The following RARB variants were observed in gnomAD, a reference collection of about 807,000 sequenced individuals.
The protein encoded by RARB is HBV-activated protein.
In RARB, 17 loss-of-function variants were observed where a neutral mutation model predicts 51.9. The ratio of observed to expected loss-of-function variants is 0.33; its 90% CI spans 0.22 to 0.49. The LOEUF (loss-of-function observed/expected upper bound fraction) is 0.49. Among genes scored for constraint, RARB ranks in the 20% least tolerant of loss-of-function variants. RARB has a pLI of 0.99. For missense variants in RARB, 369 were observed against 550.8 expected, an observed-to-expected ratio of 0.67 and a Z score of 3.30; for synonymous variants, 215 against 195.4, an observed-to-expected ratio of 1.10 and a Z score of -0.84.
At chr3:24,846,764 A>T (rs1702490445) in intron 1 of RARB, among the ~76,000 whole-genome samples, 1 of 152,098 alleles carries the variant, frequency 6.6e-6, no homozygotes, top group Non-Finnish European at 1.5e-5. Flanking sequence ...CTTCACTGTC[A>T]GTGAGAGCAC....
chr3:24,970,332 A>G (rs11129173), intron 2 of RARB, among the ~76,000 whole-genome samples: 73,194 of 151,702 alleles, frequency 0.48, 18,071 homozygotes, highest in Admixed American at 0.6. Flanking sequence ...TGAAACCACC[A>G]CGAGTATTTC....
intron 5 of RARB, chr3:25,352,238 T>A (rs1265598888): frequency 5.9e-5 from 9 of 152,202 alleles, no homozygotes; most frequent in Admixed American, 5.2e-4. Flanking sequence ...TGAATCCCCA[T>A]CTTTTCTGAT....
intron 4 of RARB, among the ~76,000 whole-genome samples, chr3:25,154,455 C>A (rs1225185132): frequency 1.3e-5 from 2 of 152,212 alleles, no homozygotes; most frequent in Non-Finnish European, 2.9e-5. Context: ...ATGGCGGAGA[C>A]CAAAGTCTTG....
intron 5 of RARB, among the ~76,000 whole-genome samples, chr3:25,223,759 G>T (rs576623769): frequency 6.6e-6 from 1 of 152,174 alleles, no homozygotes; most frequent in Non-Finnish European, 1.5e-5. Flanking sequence ...TTATAGAAGT[G>T]CTTGTAAAGT....
In RARB at chr3:24,952,574, C is replaced by T. The variant is rs143590004; in HGVS notation, c.-380+93822C>T. ...TCCTTCAAGTCCTAGAAGGAAAAGA[C>T]CACATGGGCTTTACTCACTCTCAGT... On this transcript the variant is annotated intron_variant, in intron 2 of 11. Transcript: ENST00000383772. Among the ~76,000 whole-genome samples the T allele has an allele frequency of 3.2e-4, 49 of 152,252 alleles. 2 individuals are homozygous for T. In the East Asian group the frequency reaches 9.3e-3, roughly 29 times the overall value.
intron 4 of RARB, among the ~76,000 whole-genome samples, chr3:25,577,210 G>A (rs1387795190): frequency 1.3e-5 from 2 of 152,180 alleles, no homozygotes; most frequent in African/African-American, 2.4e-5. Flanking sequence ...CGGTTCGCCC[G>A]CGGGATCTTG....
At chr3:25,439,291 T>G (rs1279890105) in intron 1 of RARB, among the ~76,000 whole-genome samples, 1 of 150,494 alleles carries the variant, frequency 6.6e-6, no homozygotes, top group Middle Eastern at 3.4e-3. Context: ...ATCTATTGTG[T>G]GCAGAGGATC....
chr3:25,250,251 G>A (rs1291255953), intron 5 of RARB, among the ~76,000 whole-genome samples: 1 of 152,190 alleles, frequency 6.6e-6, no homozygotes, highest in Non-Finnish European at 1.5e-5. Flanking sequence ...CCCCAGGCAT[G>A]CTTGTGCATG....
intron 1 of RARB, among the ~76,000 whole-genome samples, chr3:25,442,166 C>A (rs1197857848): frequency 7.4e-6 from 1 of 135,156 alleles, no homozygotes; most frequent in East Asian, 2.0e-4. Flanking sequence ...GACGGAGTCT[C>A]ACTCTGTTGC....
chr3:25,035,323 T>A (rs930432274), intron 2 of RARB, among the ~76,000 whole-genome samples: 1 of 151,950 alleles, frequency 6.6e-6, no homozygotes, highest in Non-Finnish European at 1.5e-5. Context: ...GGTTTCGCCA[T>A]GTTGCCCAGG....
chr3:25,250,620 G>T (rs377712461), intron 5 of RARB, among the ~76,000 whole-genome samples: 2 of 152,150 alleles, frequency 1.3e-5, no homozygotes, highest in African/African-American at 2.4e-5. Context: ...GCACCTGGCT[G>T]TGGGCAAGGG....
At chr3:25,522,849 G>A (rs1698460612) in intron 3 of RARB, among the ~76,000 whole-genome samples, 2 of 152,138 alleles carry the variant, frequency 1.3e-5, no homozygotes, top group South Asian at 4.1e-4. Flanking sequence ...TTGGCTTAAG[G>A]TTCTGTCCGC....
chr3:24,949,682 T>C (rs1478909993), intron 2 of RARB, among the ~76,000 whole-genome samples: 2 of 152,240 alleles, frequency 1.3e-5, no homozygotes, highest in East Asian at 3.8e-4. Flanking sequence ...CAATTCTATC[T>C]AAAATGCATT....
chr3:24,955,768 C>T (rs1004192907), intron 2 of RARB, among the ~76,000 whole-genome samples: 1 of 151,874 alleles, frequency 6.6e-6, no homozygotes, highest in Non-Finnish European at 1.5e-5. Flanking sequence ...ATAAATGTAC[C>T]TGGAGGTGGG....
At chr3:25,242,511 G>A (rs997589331) in intron 5 of RARB, among the ~76,000 whole-genome samples, 5 of 152,228 alleles carry the variant, frequency 3.3e-5, no homozygotes, top group Admixed American at 3.3e-4. Context: ...TCCAGTCTCA[G>A]TTTTCTGCAT....
At chr3:25,240,404 C>G (rs989594453) in intron 5 of RARB, among the ~76,000 whole-genome samples, 3 of 151,958 alleles carry the variant, frequency 2.0e-5, no homozygotes, top group Non-Finnish European at 4.4e-5. Flanking sequence ...TTGTCTTGTT[C>G]TAGTTCTTTT....
At chr3:24,980,003 G>T (rs1359928040) in intron 2 of RARB, among the ~76,000 whole-genome samples, 26 of 152,068 alleles carry the variant, frequency 1.7e-4, no homozygotes, top group Admixed American at 1.6e-3. Flanking sequence ...GTCTGTAAAG[G>T]ATTTTATTTC....
intron 5 of RARB, among the ~76,000 whole-genome samples, chr3:25,192,379 T>C (rs2117970): frequency 0.021 from 3,268 of 152,154 alleles, 109 homozygotes; most frequent in African/African-American, 0.075. Context: ...TATGTAAATA[T>C]CCTCCCTGAT....
chr3:25,108,106 T>G (rs1458848985), intron 3 of RARB, among the ~76,000 whole-genome samples: 3 of 152,184 alleles, frequency 2.0e-5, no homozygotes, highest in Non-Finnish European at 4.4e-5. Context: ...ATGGATACAC[T>G]GGACAAAGGA....
Sources: gnomAD v4.1 joint callset for allele counts (sites outside exome capture counted in the v4.1 genomes callset) on GRCh38, gnomAD v4.1.1 for gene constraint, MANE v1.5 for transcripts, NCBI Gene and HGNC (gene_info 2026-07-23, HGNC 2026-07-21) for gene names.